The following DDX10 variants were observed in gnomAD, a reference collection of about 807,000 sequenced individuals.
DDX10 encodes DEAD-box helicase 10.
DDX10 carries 74 observed loss-of-function variants against 104.3 expected under a neutral mutation model. The observed-to-expected ratio is 0.71, with a 90% CI of 0.59 to 0.86. DDX10 has a LOEUF of 0.86. Among genes scored for constraint, DDX10 ranks in the 40% least tolerant of loss-of-function variants. The pLI is 0.00. For missense variants in DDX10, 952 were observed against 1,040.0 expected (o/e 0.92, Z 1.16); for synonymous variants, 351 against 353.4 (o/e 0.99, Z 0.08).
At chr11:108,729,318 T>C (rs766166604) in intron 13 of DDX10, among the ~76,000 whole-genome samples, 2 of 152,154 alleles carry the variant, frequency 1.3e-5, no homozygotes, top group Admixed American at 6.5e-5. Flanking sequence ...TCAGATCTGC[T>C]CATCTCCATC....
At chr11:108,730,034 T>C (rs2094310120) in intron 13 of DDX10, 1 of 153,424 alleles carries the variant, frequency 6.5e-6, no homozygotes, top group South Asian at 2.0e-4. Flanking sequence ...CAAGTGGGCA[T>C]GAAGTTCCAC....
At chr11:108,782,279 C>T (rs2094379180) in intron 13 of DDX10, among the ~76,000 whole-genome samples, 1 of 152,056 alleles carries the variant, frequency 6.6e-6, no homozygotes, top group Admixed American at 6.6e-5. Context: ...AATGGAGGAC[C>T]CTGTATTCTT....
Position 108,715,875 on chromosome 11 carries a change from A to G in DDX10, c.1323-4A>G. ...ATTTTAACCTTTATCTTTTTGTTAC[A>G]AAGAATCAATCCAGAAAAACTTATA... On this transcript the variant is annotated splice_region_variant and splice_polypyrimidine_tract_variant and intron_variant, in intron 10 of 17. Coordinates refer to ENST00000322536, the MANE Select transcript of DDX10 (RefSeq NM_004398.4). The G allele has an allele frequency of 7.0e-7, 1 of 1,430,252 alleles. No individual in the cohort carries two copies. The highest frequency in any genetic ancestry group is 9.8e-7 in the Non-Finnish European group (1 of 1,024,520). 88.6% of individuals were successfully genotyped at this position (1,430,252 alleles called of 1,614,324 possible). A position where few individuals can be genotyped will look rare whatever the true frequency, so the allele number is the denominator to read the frequency against.
intron 13 of DDX10, among the ~76,000 whole-genome samples, chr11:108,733,448 A>G (rs2094314717): frequency 6.6e-6 from 1 of 152,196 alleles, no homozygotes; most frequent in African/African-American, 2.4e-5. Flanking sequence ...TTTATAACTT[A>G]CCATGCACTT....
chr11:108,760,073 T>C (rs1488204412), intron 13 of DDX10, among the ~76,000 whole-genome samples: 1 of 152,066 alleles, frequency 6.6e-6, no homozygotes, highest in Non-Finnish European at 1.5e-5. Context: ...AGGGTACTCC[T>C]ATCAATTCCT....
chr11:108,763,733 TG>T (rs2094353400), intron 13 of DDX10, among the ~76,000 whole-genome samples: 1 of 152,178 alleles, frequency 6.6e-6, no homozygotes, highest in South Asian at 2.1e-4. Context: ...CTATTTTAAT[TG>T]GGGATTAAGT....
chr11:108,812,484 T>G (rs1237119935), intron 13 of DDX10, among the ~76,000 whole-genome samples: 1 of 152,210 alleles, frequency 6.6e-6, no homozygotes, highest in African/African-American at 2.4e-5. Flanking sequence ...CAATTAGATA[T>G]GTCACCTCTC....
intron 16 of DDX10, among the ~76,000 whole-genome samples, chr11:108,853,155 A>C (rs1226078702): frequency 6.6e-6 from 1 of 152,110 alleles, no homozygotes; most frequent in Non-Finnish European, 1.5e-5. Flanking sequence ...GTGCCCAAAA[A>C]CGAGAGCTCC....
chr11:108,778,394 T>C (rs1233390030), intron 13 of DDX10, among the ~76,000 whole-genome samples: 1 of 152,102 alleles, frequency 6.6e-6, no homozygotes, highest in African/African-American at 2.4e-5. Context: ...ATACCACACA[T>C]CTACAACCAT....
At chr11:108,785,901 G>A (rs76285732) in intron 13 of DDX10, among the ~76,000 whole-genome samples, 2,872 of 151,962 alleles carry the variant, frequency 0.019, 97 homozygotes, top group African/African-American at 0.065. Context: ...TTGAATTTTT[G>A]TTTTGTTTTG....
chr11:108,875,165 G>C (rs969004742), intron 16 of DDX10, among the ~76,000 whole-genome samples: 1 of 152,166 alleles, frequency 6.6e-6, no homozygotes, highest in Admixed American at 6.5e-5. Context: ...CTGCGTTACT[G>C]TGTATGACAT....
At chr11:108,802,911 T>C (rs1171498444) in intron 13 of DDX10, among the ~76,000 whole-genome samples, 1 of 152,220 alleles carries the variant, frequency 6.6e-6, no homozygotes, top group Admixed American at 6.5e-5. Flanking sequence ...ATACAACTCT[T>C]AAGAACTATC....
chr11:108,678,137 T>A (rs1333743851), intron 4 of DDX10, among the ~76,000 whole-genome samples, 178 bp from the exon 5 acceptor site: 2 of 152,192 alleles, frequency 1.3e-5, no homozygotes, highest in African/African-American at 4.8e-5. Context: ...CTGTAAAGAC[T>A]TTTATTTAGC....
At chr11:108,755,380 G>A (rs1170044167) in intron 13 of DDX10, among the ~76,000 whole-genome samples, 1 of 151,876 alleles carries the variant, frequency 6.6e-6, no homozygotes, top group Non-Finnish European at 1.5e-5. Flanking sequence ...ATATCTTTTT[G>A]GTTATGATTT....
chr11:108,693,836 A>G (rs2094256120), intron 9 of DDX10, among the ~76,000 whole-genome samples: 1 of 152,246 alleles, frequency 6.6e-6, no homozygotes, highest in South Asian at 2.1e-4. Context: ...ACTTTTCAGC[A>G]AAACTGCTCA....
At chr11:108,920,754 A>T (rs1863814741) in intron 17 of DDX10, 1 of 152,258 alleles carries the variant, frequency 6.6e-6, no homozygotes, top group Non-Finnish European at 1.5e-5. Context: ...TAAGATAGAC[A>T]TGGTTTCCCA....
intron 16 of DDX10, among the ~76,000 whole-genome samples, chr11:108,904,484 A>G (rs758932272): frequency 6.6e-5 from 10 of 152,202 alleles, no homozygotes; most frequent in African/African-American, 1.2e-4. Flanking sequence ...AATTCATTCA[A>G]TTCATTTCTG....
chr11:108,778,056 C>A (rs545420464), intron 13 of DDX10, among the ~76,000 whole-genome samples: 4 of 152,288 alleles, frequency 2.6e-5, no homozygotes, highest in African/African-American at 9.6e-5. Context: ...GACACAAACA[C>A]ATGGAAGAAC....
Position 108,940,188 on chromosome 11 carries a change from T to G in DDX10, c.2451-58T>G, listed in dbSNP as rs1026878323. The G allele has an allele frequency of 3.2e-6, 5 of 1,548,812 alleles. No individual in the cohort carries two copies. In the African/African-American group the frequency reaches 6.9e-5, roughly 21 times the overall value. On this transcript the variant is annotated intron_variant, in intron 17 of 17. Transcript: ENST00000322536. ...CAACTCTCTGTTAATTTTGTCCTAT[T>G]TTAAATGTTTGATTTCATACTGAGT...
Sources: allele counts gnomAD v4.1 joint callset (sites outside exome capture counted in the v4.1 genomes callset), GRCh38; gene constraint gnomAD v4.1.1; transcripts MANE v1.5; gene names NCBI Gene and HGNC (gene_info 2026-07-23, HGNC 2026-07-21).